DENND2A: variants seen among roughly 807,000 people sequenced by gnomAD.
DENND2A encodes the protein DENN domain-containing protein 2A.
Under a neutral mutation model 105.3 loss-of-function variants are expected in DENND2A, and 53 were observed. That is an observed-to-expected ratio of 0.50 (90% confidence interval 0.40 to 0.63). DENND2A has a LOEUF of 0.63. Ranked by LOEUF, DENND2A falls within the 30% of genes least tolerant of loss-of-function variation. The probability of loss-of-function intolerance (pLI) is 0.00; values close to 1 mark genes in which losing one functional copy is unlikely to be tolerated. For missense variants in DENND2A, 1,138 were observed against 1,279.6 expected, an observed-to-expected ratio of 0.89 and a Z score of 1.69; for synonymous variants, 522 against 508.4, an observed-to-expected ratio of 1.03 and a Z score of -0.36.
At chr7:140,555,135 CT>C (rs11308626) in intron 12 of DENND2A, among the ~76,000 whole-genome samples, 98,952 of 118,372 alleles carry the variant, frequency 0.84, 40,831 homozygotes, top group East Asian at 0.96. Context: ...TTCATTAACT[CT>C]TTTTTTTTTT....
In DENND2A at chr7:140,554,031, T is replaced by G. The variant is rs150129226; in HGVS notation, c.2037+1605A>C. Reference sequence around the variant, plus strand: ...TTACGAGGTCAGGAGATCAAGACCATCCTGGCCAACATGGTGAAACCCCGT... The same window carrying G: ...TTACGAGGTCAGGAGATCAAGACCAGCCTGGCCAACATGGTGAAACCCCGT... On this transcript the variant is annotated intron_variant, in intron 12 of 19. Transcript: ENST00000496613. 2.7e-3 allele frequency among the ~76,000 whole-genome samples: 400 copies of G among 150,868 alleles called. 4 individuals are homozygous for G. Among genetic ancestry groups the G allele is most frequent in the African/African-American group, 8.9e-3 (367 of 41,126 alleles).
At chr7:140,519,808 C>CAAGGTTTCT in intron 18 of DENND2A, 90 bp from the exon 19 acceptor site, 1 of 1,229,984 alleles carries the variant, frequency 8.1e-7, no homozygotes. Context: ...AAAAGAGAAA[C>CAAGGTTTCT]CTTGTTTCTG....
At chr7:140,546,590 T>C (rs1585597398) in intron 13 of DENND2A, among the ~76,000 whole-genome samples, 1 of 152,300 alleles carries the variant, frequency 6.6e-6, no homozygotes, top group African/African-American at 2.4e-5. Context: ...TGCCATAGCA[T>C]AGTTCTTGGG....
chr7:140,596,417 T>G (rs1001022486), intron 3 of DENND2A, among the ~76,000 whole-genome samples: 5 of 152,234 alleles, frequency 3.3e-5, no homozygotes, highest in African/African-American at 9.6e-5. Context: ...AGGGATGCCT[T>G]GCTGACTGAG....
At chr7:140,623,625 G>C (rs1190942427) in intron 1 of DENND2A, among the ~76,000 whole-genome samples, 5 of 151,814 alleles carry the variant, frequency 3.3e-5, no homozygotes, top group Non-Finnish European at 5.9e-5. Flanking sequence ...CTACTCGGGA[G>C]GCTGAGGCAG....
chr7:140,579,803 C>T (rs544709332), intron 5 of DENND2A, among the ~76,000 whole-genome samples: 18 of 152,230 alleles, frequency 1.2e-4, no homozygotes, highest in African/African-American at 4.3e-4. Flanking sequence ...TTAAGAAGAT[C>T]TTTAAAATAC....
In DENND2A at chr7:140,522,078, G is replaced by A. The variant is rs61737088; in HGVS notation, c.2688C>T (p.Asn896=). Residue 896 remains asparagine, a synonymous_variant, in exon 18 of 20, where the codon AAC becomes AAT. Coordinates refer to ENST00000496613, the MANE Select transcript of DENND2A (RefSeq NM_015689.5). ...GRHGPESSPL[N]EVVSEAFVRF... ...GGACAAAGGCTTCAGACACCACCTC[G>A]TTCAAGGGGCTGGACTCTGGACCTG... is the stretch of plus-strand genomic sequence containing the variant. 2.3e-3 allele frequency: 3,638 copies of A among 1,614,104 alleles called. 72 individuals are homozygous for A. In the African/African-American group the frequency reaches 0.039, roughly 17 times the overall value.
In DENND2A at chr7:140,601,660, G is replaced by C. The variant is rs1300248622; in HGVS notation, c.738C>G (p.Ser246Arg). ...KGSCRRPWDR[S>R]LENVYRGSEG... is the part of the protein sequence containing the mutation. ...CCGAGCCCCTATACACGTTCTCAAG[G>C]CTCCGGTCCCAGGGCCTTCTGCATG... Residue 246 changes from serine to arginine, a missense_variant, in exon 3 of 20, where the codon AGC (serine) becomes AGG (arginine). Around this residue, in one of 2 missense-constraint regions of DENND2A, gnomAD observed 511 missense variants for 499.9 expected, o/e 1.02. Transcript: ENST00000496613. 1.2e-6 allele frequency: 2 copies of C among 1,612,926 alleles called. No homozygotes were observed. The highest frequency in any genetic ancestry group is 1.3e-5 in the African/African-American group (1 of 74,866).
intron 14 of DENND2A, among the ~76,000 whole-genome samples, chr7:140,538,812 TA>T (rs1272072897): frequency 1.3e-5 from 2 of 151,614 alleles, no homozygotes; most frequent in Non-Finnish European, 2.9e-5. Context: ...GGCCCTTTTT[TA>T]AAAAATTTTT....
At chr7:140,638,654 T>G (rs1801051306) in intron 1 of DENND2A, among the ~76,000 whole-genome samples, 1 of 152,166 alleles carries the variant, frequency 6.6e-6, no homozygotes, top group African/African-American at 2.4e-5. Context: ...ACTCACATAC[T>G]GCAACCCGCA....
At chr7:140,520,893 A>G (rs558913028) in intron 18 of DENND2A, among the ~76,000 whole-genome samples, 2 of 128,248 alleles carry the variant, frequency 1.6e-5, no homozygotes, top group South Asian at 2.5e-4. Flanking sequence ...TTTTTTTCTG[A>G]GACAGAGTTT....
At chr7:140,550,967 A>T (rs1797108474) in intron 12 of DENND2A, among the ~76,000 whole-genome samples, 1 of 152,054 alleles carries the variant, frequency 6.6e-6, no homozygotes, top group Non-Finnish European at 1.5e-5. Context: ...CAGTTAGGGA[A>T]AACACACCTG....
Position 140,602,385 on chromosome 7 carries a change from T to C in DENND2A, c.13A>G (p.Ser5Gly), listed in dbSNP as rs573443310. 2.5e-5 allele frequency: 40 copies of C among 1,571,902 alleles called. No individual in the cohort carries two copies. In the East Asian group the frequency reaches 6.8e-4, roughly 27 times the overall value. ...GGGTCACTGATGATCATATCCAAGC[T>C]GAACATATCCATTCTTGACTCTAGC... is the stretch of plus-strand genomic sequence containing the variant. MDMF[S>G]LDMIISDPAA... Residue 5 changes from serine (S) to glycine (G), a missense_variant, in exon 3 of 20, where the codon AGC becomes GGC. Physicochemically the swap from Ser to Gly is moderately conservative, Grantham distance 56 (BLOSUM62 0). Around this residue, in one of 2 missense-constraint regions of DENND2A, gnomAD observed 511 missense variants for 499.9 expected, o/e 1.02. Transcript: ENST00000496613.
intron 3 of DENND2A, among the ~76,000 whole-genome samples, chr7:140,600,153 A>G (rs1799429215): frequency 6.6e-6 from 1 of 151,952 alleles, no homozygotes; most frequent in Non-Finnish European, 1.5e-5. Context: ...TTATTTTAGG[A>G]GGTGGTTACT....
At chr7:140,548,773 C>T (rs935619072) in intron 12 of DENND2A, among the ~76,000 whole-genome samples, 4 of 151,390 alleles carry the variant, frequency 2.6e-5, no homozygotes, top group African/African-American at 9.7e-5. Context: ...ACCACCACGC[C>T]TGGCTAATTT....
Position 140,569,720 on chromosome 7 carries a change from C to T in DENND2A, c.1465G>A (p.Ala489Thr). 2 of 1,612,806 alleles carry T rather than the reference C, an allele frequency of 1.2e-6. No individual in the cohort carries two copies. The highest frequency in any genetic ancestry group is 8.5e-7 in the Non-Finnish European group (1 of 1,178,916). The change falls in exon 7 of 20, where the codon GCC becomes ACC. Residue 489 changes from alanine (A) to threonine (T), a missense_variant. This residue lies in a region of DENND2A where 627 missense variants were observed against 779.8 expected (regional missense o/e 0.80). Transcript: ENST00000496613. ...TTTCCTCTCCGGACCTCATAAATGG[C>T]GTTGATTCGCAACACCAGCTGCCAG... ...KIPKLVLRIN[A>T]IYEVRRGKKR... is the part of the protein sequence containing the mutation.
intron 1 of DENND2A, among the ~76,000 whole-genome samples, chr7:140,616,045 G>A (rs547157595): frequency 8.1e-4 from 123 of 152,260 alleles, no homozygotes; most frequent in African/African-American, 2.9e-3. Context: ...CACACATTGT[G>A]TAATTCAATT....
chr7:140,615,352 C>T (rs563587195), intron 1 of DENND2A, among the ~76,000 whole-genome samples: 26 of 152,212 alleles, frequency 1.7e-4, no homozygotes, highest in Admixed American at 5.2e-4. Context: ...AGAACAACAC[C>T]GGGGGACATA....
In DENND2A at chr7:140,533,598, A is replaced by T. The variant is rs556670752; in HGVS notation, c.2328-6103T>A. Among the ~76,000 whole-genome samples the T allele has an allele frequency of 4.6e-5, 7 of 152,254 alleles. No individual in the cohort carries two copies. In the East Asian group the frequency reaches 1.4e-3, roughly 29 times the overall value. Reference sequence around the variant, plus strand: ...TGGTGGAGAAACGTGACAGAAAGGAAGCCAAAGTTCACTCAGTGAACTGGA... The same window carrying T: ...TGGTGGAGAAACGTGACAGAAAGGATGCCAAAGTTCACTCAGTGAACTGGA... On this transcript the variant is annotated intron_variant, in intron 14 of 19. Transcript: ENST00000496613.
Sources: gnomAD v4.1 joint callset for allele counts (sites outside exome capture counted in the v4.1 genomes callset) on GRCh38, gnomAD v4.1.1 for gene constraint, gnomAD v4.1.1 regional missense constraint, MANE v1.5 for transcripts, NCBI Gene and HGNC (gene_info 2026-07-23, HGNC 2026-07-21) for gene names.